RAB38: variants seen among roughly 807,000 people sequenced by gnomAD.
The protein encoded by RAB38 is ras-related protein Rab-38.
In RAB38, 15 loss-of-function variants were observed where a neutral mutation model predicts 18.4. That is an observed-to-expected ratio of 0.82 (90% CI 0.55 to 1.26). The LOEUF (loss-of-function observed/expected upper bound fraction) is 1.26. Ranked by LOEUF, RAB38 falls within the 50% of genes most tolerant of loss-of-function variation. The pLI is 0.00. For missense variants in RAB38, 294 were observed against 267.4 expected, an observed-to-expected ratio of 1.10 and a Z score of -0.69; for synonymous variants, 101 against 104.4, an observed-to-expected ratio of 0.97 and a Z score of 0.20.
chr11:88,027,681 C>A, the RAB38 span, among the ~76,000 whole-genome samples: 3 of 147,798 alleles, frequency 2.0e-5, no homozygotes, highest in Non-Finnish European at 3.0e-5. Flanking sequence ...GGGGCGCCCG[C>A]CATTGCCCAG....
At chr11:88,059,836 A>G in the RAB38 span, among the ~76,000 whole-genome samples, 1 of 151,210 alleles carries the variant, frequency 6.6e-6, no homozygotes, top group Admixed American at 6.6e-5. Context: ...CCTTGGGCCC[A>G]GGCCAGGAGG....
the RAB38 span, among the ~76,000 whole-genome samples, chr11:87,964,723 A>AG: frequency 6.6e-6 from 1 of 152,114 alleles, no homozygotes; most frequent in African/African-American, 2.4e-5. Flanking sequence ...GGAAAAAAAA[A>AG]TTAAAAAAAA....
chr11:88,147,235 T>C (rs1323534080), intron 2 of RAB38, among the ~76,000 whole-genome samples: 3 of 152,206 alleles, frequency 2.0e-5, no homozygotes, highest in Admixed American at 6.5e-5. Flanking sequence ...CATAAGTTTC[T>C]ACATTCTCAG....
At chr11:88,155,831 A>C (rs1373240037) in intron 1 of RAB38, among the ~76,000 whole-genome samples, 3 of 152,242 alleles carry the variant, frequency 2.0e-5, no homozygotes, top group Non-Finnish European at 4.4e-5. Context: ...AAAAGTAATT[A>C]ATCACAGCTT....
At chr11:87,890,905 T>G in the RAB38 span, among the ~76,000 whole-genome samples, 1 of 151,964 alleles carries the variant, frequency 6.6e-6, no homozygotes, top group African/African-American at 2.4e-5. Flanking sequence ...ATGGGAACCC[T>G]TGTTAAAAAA....
At chr11:88,065,558 G>T in the RAB38 span, among the ~76,000 whole-genome samples, 6 of 152,202 alleles carry the variant, frequency 3.9e-5, no homozygotes, top group Non-Finnish European at 8.8e-5. Context: ...AAGAGTTAGA[G>T]CATTTCATAG....
At chr11:87,845,495 G>A in the RAB38 span, among the ~76,000 whole-genome samples, 2 of 152,064 alleles carry the variant, frequency 1.3e-5, no homozygotes, top group African/African-American at 2.4e-5. Context: ...GGATATGATA[G>A]TGAAAATAAC....
the RAB38 span, among the ~76,000 whole-genome samples, chr11:87,926,187 T>C: frequency 6.6e-5 from 10 of 152,140 alleles, no homozygotes; most frequent in South Asian, 2.1e-4. Context: ...ACTGTCATGA[T>C]TGTCAACCTT....
At chr11:87,842,350 GCTGAGTTTGGGA>G in the RAB38 span, among the ~76,000 whole-genome samples, 1 of 152,132 alleles carries the variant, frequency 6.6e-6, no homozygotes, top group African/African-American at 2.4e-5. Context: ...AAATGTATGT[GCTGAGTTTGGGA>G]GGGGGGTTTC....
chr11:87,888,038 A>T, the RAB38 span, among the ~76,000 whole-genome samples: 1 of 151,322 alleles, frequency 6.6e-6, no homozygotes, highest in South Asian at 2.1e-4. Context: ...CAAGCCCCAG[A>T]CTCTTGTTCT....
the RAB38 span, among the ~76,000 whole-genome samples, chr11:87,865,385 C>T: frequency 6.6e-6 from 1 of 151,518 alleles, no homozygotes; most frequent in African/African-American, 2.4e-5. Context: ...AAACAAAGGT[C>T]ATAGAGGAGA....
the RAB38 span, among the ~76,000 whole-genome samples, chr11:88,106,323 G>A: frequency 6.6e-6 from 1 of 152,124 alleles, no homozygotes; most frequent in Non-Finnish European, 1.5e-5. Context: ...GGAGTCCAAT[G>A]AATACAAATT....
At chr11:87,937,795 C>A in the RAB38 span, among the ~76,000 whole-genome samples, 1 of 149,908 alleles carries the variant, frequency 6.7e-6, no homozygotes, top group Admixed American at 6.6e-5. Flanking sequence ...ACTTCACTGG[C>A]AGTTTCTATT....
the RAB38 span, among the ~76,000 whole-genome samples, chr11:88,055,672 A>T: frequency 1.3e-5 from 2 of 152,242 alleles, no homozygotes; most frequent in Non-Finnish European, 2.9e-5. Flanking sequence ...ATGAAAATAT[A>T]AAGCAGTTTT....
At chr11:87,903,905 G>A in the RAB38 span, among the ~76,000 whole-genome samples, 1 of 150,378 alleles carries the variant, frequency 6.6e-6, no homozygotes, top group Non-Finnish European at 1.5e-5. Context: ...TCCTGATATT[G>A]GTATTTCATT....
At chr11:87,976,718 C>G in the RAB38 span, among the ~76,000 whole-genome samples, 2 of 102,126 alleles carry the variant, frequency 2.0e-5, no homozygotes, top group Admixed American at 1.3e-4. Flanking sequence ...ATTTATATTT[C>G]TATATATTTT....
chr11:88,077,724 C>T, the RAB38 span, among the ~76,000 whole-genome samples: 14 of 151,982 alleles, frequency 9.2e-5, no homozygotes, highest in African/African-American at 3.1e-4. Flanking sequence ...TAGATATTGG[C>T]AAATATATTT....
At chr11:88,014,411 T>C in the RAB38 span, among the ~76,000 whole-genome samples, 6 of 152,092 alleles carry the variant, frequency 3.9e-5, no homozygotes, top group Non-Finnish European at 8.8e-5. Flanking sequence ...TGTTTTACAA[T>C]ACAACAAGGC....
the RAB38 span, among the ~76,000 whole-genome samples, chr11:87,827,212 T>C: frequency 6.6e-6 from 1 of 152,136 alleles, no homozygotes; most frequent in East Asian, 1.9e-4. Flanking sequence ...CAAATATAAA[T>C]ATATCATGGA....
Sources: gnomAD v4.1 joint callset for allele counts (sites outside exome capture counted in the v4.1 genomes callset) on GRCh38, gnomAD v4.1.1 for gene constraint, MANE v1.5 for transcripts, NCBI Gene and HGNC (gene_info 2026-07-23, HGNC 2026-07-21) for gene names.